Variants in RANBP2 observed in about 807,000 individuals in gnomAD.
RANBP2 encodes the protein RAN binding protein 2, also known as E3 SUMO-protein ligase RanBP2.
In RANBP2, 57 loss-of-function variants were observed where a neutral mutation model predicts 303.6. The observed-to-expected ratio is 0.19, with a 90% CI of 0.15 to 0.23. RANBP2 has a LOEUF of 0.23. RANBP2 is among the 10% of genes least tolerant of loss of function. The pLI, the probability that RANBP2 is intolerant of heterozygous loss-of-function variation, is 1.00. For synonymous variants in RANBP2, 1,167 were observed against 1,301.5 expected, an observed-to-expected ratio of 0.90 and a Z score of 2.23; for missense variants, 3,138 against 3,780.8, an observed-to-expected ratio of 0.83 and a Z score of 4.46.
At chr2:109,615,777 C>T in the RANBP2 span, 6 of 1,613,994 alleles carry the variant, frequency 3.7e-6, no homozygotes, top group Admixed American at 1.7e-5. Flanking sequence ...CAAACTCTCA[C>T]ACGCCCTAGA....
At chr2:109,385,757 A>G in the RANBP2 span, among the ~76,000 whole-genome samples, 1 of 152,212 alleles carries the variant, frequency 6.6e-6, no homozygotes, top group African/African-American at 2.4e-5. Context: ...GGACTGTGTT[A>G]TGGCTGCAGA....
At chr2:109,280,206 C>T in the RANBP2 span, among the ~76,000 whole-genome samples, 575 of 152,256 alleles carry the variant, frequency 3.8e-3, 3 homozygotes, top group African/African-American at 0.013. Context: ...AGTGAATGCC[C>T]GTGGCACACA....
the RANBP2 span, among the ~76,000 whole-genome samples, chr2:109,533,826 C>T: frequency 6.6e-6 from 1 of 152,164 alleles, no homozygotes; most frequent in East Asian, 1.9e-4. Flanking sequence ...TCCTGAACTC[C>T]CACAGTTCAA....
At chr2:108,850,214 TAAG>T in the RANBP2 span, among the ~76,000 whole-genome samples, 2 of 152,162 alleles carry the variant, frequency 1.3e-5, no homozygotes, top group African/African-American at 2.4e-5. Flanking sequence ...TTAACTCTAG[TAAG>T]AAGATGTTTC....
the RANBP2 span, among the ~76,000 whole-genome samples, chr2:109,582,248 T>C: frequency 2.0e-5 from 3 of 152,036 alleles, no homozygotes; most frequent in Admixed American, 6.5e-5. Context: ...GGAATCAATA[T>C]AGTTGGAAGA....
chr2:109,621,543 T>C, the RANBP2 span, among the ~76,000 whole-genome samples: 1 of 152,176 alleles, frequency 6.6e-6, no homozygotes, highest in East Asian at 1.9e-4. Flanking sequence ...TATAATAGTT[T>C]AGAAACATAA....
At chr2:109,439,975 A>C in the RANBP2 span, among the ~76,000 whole-genome samples, 7 of 152,166 alleles carry the variant, frequency 4.6e-5, no homozygotes, top group Non-Finnish European at 1.0e-4. Flanking sequence ...GGGCATATGG[A>C]AAGTTTTCAA....
At chr2:109,642,049 C>G in the RANBP2 span, among the ~76,000 whole-genome samples, 1 of 152,178 alleles carries the variant, frequency 6.6e-6, no homozygotes, top group Non-Finnish European at 1.5e-5. Flanking sequence ...TGTGATCTGC[C>G]CACCTTGGCC....
chr2:108,959,660 A>C, the RANBP2 span, among the ~76,000 whole-genome samples: 1 of 152,122 alleles, frequency 6.6e-6, no homozygotes, highest in Non-Finnish European at 1.5e-5. Flanking sequence ...CCTGGGACTC[A>C]GCTCTGGATG....
the RANBP2 span, among the ~76,000 whole-genome samples, chr2:109,275,601 C>T: frequency 7.2e-5 from 11 of 152,204 alleles, no homozygotes; most frequent in Non-Finnish European, 1.2e-4. Context: ...CGCCGTGCTT[C>T]TGCCCTTTTC....
At chr2:109,267,504 G>C in the RANBP2 span, among the ~76,000 whole-genome samples, 1 of 152,202 alleles carries the variant, frequency 6.6e-6, no homozygotes, top group Non-Finnish European at 1.5e-5. Flanking sequence ...CAGGTGGAAA[G>C]TCTTTGTGCT....
At chr2:109,139,240 C>T in the RANBP2 span, among the ~76,000 whole-genome samples, 4 of 152,140 alleles carry the variant, frequency 2.6e-5, no homozygotes, top group Admixed American at 6.5e-5. Flanking sequence ...TGAGAAAATG[C>T]GTGCAGAGCA....
At chr2:108,889,214 A>G in the RANBP2 span, among the ~76,000 whole-genome samples, 1 of 152,160 alleles carries the variant, frequency 6.6e-6, no homozygotes, top group African/African-American at 2.4e-5. Context: ...TTTGTGGCCT[A>G]ACATATGGTC....
intron 1 of RANBP2, among the ~76,000 whole-genome samples, chr2:108,724,833 G>A (rs1479894393): frequency 3.3e-5 from 5 of 151,348 alleles, no homozygotes; most frequent in Admixed American, 2.6e-4. Flanking sequence ...ACCCTTGTTG[G>A]GACTCCACAG....
At chr2:108,875,744 A>G in the RANBP2 span, among the ~76,000 whole-genome samples, 3 of 152,182 alleles carry the variant, frequency 2.0e-5, no homozygotes, top group African/African-American at 7.2e-5. Context: ...CTGTAGTCCT[A>G]GCTACTTGGG....
the RANBP2 span, among the ~76,000 whole-genome samples, chr2:109,162,803 T>G: frequency 6.6e-6 from 1 of 152,248 alleles, no homozygotes; most frequent in Non-Finnish European, 1.5e-5. Flanking sequence ...AATCACCTTT[T>G]AACAATGAGA....
At chr2:109,274,470 G>A in the RANBP2 span, among the ~76,000 whole-genome samples, 14 of 152,336 alleles carry the variant, frequency 9.2e-5, no homozygotes, top group South Asian at 6.2e-4. Context: ...AAATGAAATT[G>A]TCATATATGC....
the RANBP2 span, among the ~76,000 whole-genome samples, chr2:108,855,487 T>TA: frequency 0.026 from 3,540 of 137,422 alleles, 111 homozygotes; most frequent in South Asian, 0.09. Flanking sequence ...GTGGTGTTGC[T>TA]AAAAAAAAAA....
chr2:109,722,157 T>C, the RANBP2 span, among the ~76,000 whole-genome samples: 1 of 152,218 alleles, frequency 6.6e-6, no homozygotes, highest in Non-Finnish European at 1.5e-5. Context: ...GCAACCATCC[T>C]GTCAGCACCA....
Sources: gnomAD v4.1 joint callset for allele counts (sites outside exome capture counted in the v4.1 genomes callset) on GRCh38, gnomAD v4.1.1 for gene constraint, MANE v1.5 for transcripts, NCBI Gene and HGNC (gene_info 2026-07-23, HGNC 2026-07-21) for gene names.